Variants in RAD51B observed in about 807,000 individuals in gnomAD.
RAD51B encodes RAD51 paralog B.
Under a neutral mutation model 42.2 loss-of-function variants are expected in RAD51B, and 38 were observed. The observed-to-expected ratio is 0.90, with a 90% CI of 0.70 to 1.18. The LOEUF is 1.18. Ranked by LOEUF, RAD51B falls within the 50% of genes most tolerant of loss-of-function variation. The pLI is 0.00. For synonymous variants in RAD51B, 154 were observed against 145.2 expected, an observed-to-expected ratio of 1.06 and a Z score of -0.43; for missense variants, 373 against 400.7, an observed-to-expected ratio of 0.93 and a Z score of 0.59.
At chr14:68,298,044 C>G (rs2081647945) in intron 8 of RAD51B, among the ~76,000 whole-genome samples, 1 of 152,174 alleles carries the variant, frequency 6.6e-6, no homozygotes, top group Non-Finnish European at 1.5e-5. Context: ...CTCTACTTCC[C>G]TGGTATTCAG....
At chr14:67,899,367 A>T (rs1339856895) in intron 7 of RAD51B, among the ~76,000 whole-genome samples, 1 of 151,894 alleles carries the variant, frequency 6.6e-6, no homozygotes, top group Non-Finnish European at 1.5e-5. Flanking sequence ...TTTAATGTTG[A>T]CTCAGTTTCT....
At chr14:68,335,821 C>T (rs1046895998) in intron 8 of RAD51B, among the ~76,000 whole-genome samples, 2 of 152,182 alleles carry the variant, frequency 1.3e-5, no homozygotes, top group African/African-American at 4.8e-5. Context: ...CATGGACAAT[C>T]AGGCACCCAC....
At chr14:68,589,528 C>G (rs1293807486) in intron 10 of RAD51B, among the ~76,000 whole-genome samples, 1 of 152,210 alleles carries the variant, frequency 6.6e-6, no homozygotes, top group Admixed American at 6.5e-5. Context: ...CCTCCCTCTC[C>G]CTTTCTCTGC....
intron 8 of RAD51B, among the ~76,000 whole-genome samples, chr14:68,309,857 G>A (rs1188510989): frequency 6.6e-6 from 1 of 152,126 alleles, no homozygotes; most frequent in Non-Finnish European, 1.5e-5. Flanking sequence ...CAAAGGAAGT[G>A]AATAATCATG....
chr14:68,483,841 T>C (rs544117727), intron 10 of RAD51B, among the ~76,000 whole-genome samples: 2 of 152,340 alleles, frequency 1.3e-5, no homozygotes, highest in African/African-American at 2.4e-5. Flanking sequence ...AGGTCTCATA[T>C]TGACAAGAGC....
At chr14:67,912,767 G>A (rs903948570) in intron 7 of RAD51B, among the ~76,000 whole-genome samples, 9 of 150,706 alleles carry the variant, frequency 6.0e-5, no homozygotes, top group East Asian at 1.9e-4. Flanking sequence ...GTGCAGTGGC[G>A]CGATCTCGGC....
At chr14:67,870,702 C>A (rs1332948144) in intron 5 of RAD51B, among the ~76,000 whole-genome samples, 1 of 102,044 alleles carries the variant, frequency 9.8e-6, no homozygotes, top group Non-Finnish European at 2.0e-5. Flanking sequence ...CTCTCCTCAG[C>A]AAATGTAAAA....
chr14:68,626,731 T>C (rs1892091657), intron 10 of RAD51B, among the ~76,000 whole-genome samples: 1 of 152,222 alleles, frequency 6.6e-6, no homozygotes, highest in South Asian at 2.1e-4. Flanking sequence ...CAAAGCTTCT[T>C]ACAACCAAGC....
intron 7 of RAD51B, among the ~76,000 whole-genome samples, chr14:68,107,375 A>G (rs1032460097): frequency 6.6e-6 from 1 of 151,860 alleles, no homozygotes; most frequent in African/African-American, 2.4e-5. Context: ...AAGATGTCAT[A>G]TATTCATGAA....
chr14:68,520,981 G>C (rs1191350239), intron 10 of RAD51B, among the ~76,000 whole-genome samples: 1 of 152,160 alleles, frequency 6.6e-6, no homozygotes, highest in African/African-American at 2.4e-5. Flanking sequence ...TGGGTGGCAG[G>C]GGGTAGGGGT....
intron 10 of RAD51B, among the ~76,000 whole-genome samples, chr14:68,491,752 G>T (rs1884092623): frequency 1.3e-5 from 2 of 152,200 alleles, no homozygotes; most frequent in South Asian, 4.1e-4. Flanking sequence ...TAATCTTCAT[G>T]CCAGGGGGCC....
At chr14:68,160,407 G>A (rs988845243) in intron 7 of RAD51B, among the ~76,000 whole-genome samples, 28 of 152,282 alleles carry the variant, frequency 1.8e-4, no homozygotes, top group Non-Finnish European at 3.2e-4. Context: ...CCACTCAAGT[G>A]CAGTCAGGTC....
rs551057591 is a variant in RAD51B at position 68,484,380 on chromosome 14, CAG to C, written c.1036+16133_1036+16134del. On this transcript the variant is annotated intron_variant, in intron 10 of 10. Coordinates refer to the RAD51B transcript ENST00000487270. ...TTTTCTTTTTTTTTTTTTTTTGAGA[CAG>C]AGTTTTGCTCTGTCGCCCAGGCTGG... 2.1e-3 allele frequency among the ~76,000 whole-genome samples: 194 copies of C among 91,274 alleles called. 1 individual carries two copies. The highest frequency in any genetic ancestry group is 0.012 in the African/African-American group (190 of 15,564). 59.9% of individuals were successfully genotyped at this position (91,274 alleles called of 152,430 possible). A position where few individuals can be genotyped will look rare whatever the true frequency, so the allele number is the denominator to read the frequency against.
At chr14:67,833,725 A>G (rs1056298369) in intron 3 of RAD51B, among the ~76,000 whole-genome samples, 3 of 152,216 alleles carry the variant, frequency 2.0e-5, no homozygotes, top group Non-Finnish European at 2.9e-5. Context: ...TTTCAGATCA[A>G]TGTTGACCAG....
intron 4 of RAD51B, among the ~76,000 whole-genome samples, chr14:67,839,311 A>G (rs992027580): frequency 1.3e-5 from 2 of 152,076 alleles, no homozygotes; most frequent in Non-Finnish European, 1.5e-5. Context: ...TCTGATCTTG[A>G]TATTTTTCCT....
In RAD51B at chr14:67,972,469, A is replaced by C. The variant is rs1415635224; in HGVS notation, c.756+85265A>C. Among the ~76,000 whole-genome samples, 5 of 152,124 alleles carry C rather than the reference A, an allele frequency of 3.3e-5. No individual in the cohort carries two copies. The East Asian group carries it at 9.6e-4, about 29-fold the overall frequency. On this transcript the variant is annotated intron_variant, in intron 7 of 10. Coordinates refer to ENST00000471583, the MANE Select transcript of RAD51B (RefSeq NM_133510.4). ...TACACAAGGAAGAATTATTAGGGCC[A>C]GGTGCCTTTCATGTCTATGTCTGCC... is the stretch of plus-strand genomic sequence containing the variant.
intron 8 of RAD51B, among the ~76,000 whole-genome samples, chr14:68,379,672 T>G (rs1487910104): frequency 6.6e-6 from 1 of 152,244 alleles, no homozygotes; most frequent in East Asian, 1.9e-4. Context: ...AGACAATTTC[T>G]GTGGTCAGGA....
chr14:68,658,212 C>T (rs1449855452), intron 11 of RAD51B, among the ~76,000 whole-genome samples: 2 of 152,226 alleles, frequency 1.3e-5, no homozygotes, highest in Non-Finnish European at 2.9e-5. Flanking sequence ...AGGACAGCCA[C>T]GTCCCTGGCC....
chr14:68,195,594 A>G (rs1468095489), intron 7 of RAD51B, among the ~76,000 whole-genome samples: 2 of 152,188 alleles, frequency 1.3e-5, no homozygotes, highest in Non-Finnish European at 2.9e-5. Context: ...TCTCAGTATC[A>G]TGCATTTTGA....
Sources: gnomAD v4.1 joint callset for allele counts (sites outside exome capture counted in the v4.1 genomes callset) on GRCh38, gnomAD v4.1.1 for gene constraint, MANE v1.5 for transcripts, NCBI Gene and HGNC (gene_info 2026-07-23, HGNC 2026-07-21) for gene names.